Variants in NFAT5 observed in about 807,000 individuals in gnomAD.
NFAT5 encodes nuclear factor of activated T-cells 5.
Under a neutral mutation model 166.5 loss-of-function variants are expected in NFAT5, and 31 were observed. That is an observed-to-expected ratio of 0.19 (90% CI 0.14 to 0.25). The LOEUF (loss-of-function observed/expected upper bound fraction) is 0.25, where lower values mean the gene tolerates loss of function less well. NFAT5 is among the 10% of genes least tolerant of loss of function. The pLI is 1.00. For missense variants in NFAT5, 1,449 were observed against 1,821.8 expected, an observed-to-expected ratio of 0.80 and a Z score of 3.72; for synonymous variants, 612 against 639.7, an observed-to-expected ratio of 0.96 and a Z score of 0.65.
chr16:69,686,622 G>A (rs1238767095), intron 11 of NFAT5, among the ~76,000 whole-genome samples: 2 of 152,124 alleles, frequency 1.3e-5, no homozygotes, highest in African/African-American at 4.8e-5. Flanking sequence ...CCAGCACTTT[G>A]TGGGGCTGAG....
intron 3 of NFAT5, among the ~76,000 whole-genome samples, chr16:69,638,176 G>A (rs1444450482): frequency 2.0e-5 from 3 of 152,006 alleles, no homozygotes; most frequent in Non-Finnish European, 4.4e-5. Context: ...CCGAGATCAC[G>A]CCATTGCACT....
At chr16:69,695,493 T>C (rs1006716452) in intron 14 of NFAT5, 114 bp downstream of exon 14, 5 of 722,672 alleles carry the variant, frequency 6.9e-6, no homozygotes, top group Non-Finnish European at 1.2e-5. Flanking sequence ...TCTCACAAGA[T>C]GATACTTTTT....
chr16:69,593,062 A>C (rs1482791847), intron 2 of NFAT5, among the ~76,000 whole-genome samples: 1 of 152,210 alleles, frequency 6.6e-6, no homozygotes, highest in Non-Finnish European at 1.5e-5. Flanking sequence ...TTAGTGTCAA[A>C]AATGAATAAA....
chr16:69,695,108 T>C, intron 13 of NFAT5, 28 bp from the exon 14 acceptor site: 5 of 1,541,682 alleles, frequency 3.2e-6, no homozygotes, highest in African/African-American at 1.4e-5. Flanking sequence ...AGTCAGCTTT[T>C]AAGCTTCTGT....
At chr16:69,614,623 T>C (rs895296987) in intron 2 of NFAT5, among the ~76,000 whole-genome samples, 2 of 152,208 alleles carry the variant, frequency 1.3e-5, no homozygotes, top group Admixed American at 6.5e-5. Context: ...CCCAATACTT[T>C]GGTATTTCCA....
intron 2 of NFAT5, among the ~76,000 whole-genome samples, chr16:69,597,594 C>CTTT (rs752838733): frequency 1.4e-5 from 2 of 138,336 alleles, no homozygotes; most frequent in South Asian, 4.7e-4. Flanking sequence ...CTAATGTTTT[C>CTTT]TTTTTTTTTT....
intron 2 of NFAT5, among the ~76,000 whole-genome samples, chr16:69,615,612 A>G (rs1338427202): frequency 3.3e-5 from 5 of 152,178 alleles, no homozygotes; most frequent in Non-Finnish European, 7.3e-5. Context: ...CTATCTGTAC[A>G]TATTGACTGA....
chr16:69,673,419 TA>T (rs1030993547), intron 9 of NFAT5, among the ~76,000 whole-genome samples: 3 of 151,994 alleles, frequency 2.0e-5, no homozygotes, highest in African/African-American at 7.2e-5. Flanking sequence ...AGCAAACCTT[TA>T]GGGGGAAGAA....
At position 69,692,811 on chromosome 16, in the gene NFAT5, G is replaced by A; in HGVS notation, c.2986G>A (p.Gly996Ser). 2 of 1,614,170 alleles carry A rather than the reference G, an allele frequency of 1.2e-6. No homozygotes were observed. The highest frequency in any genetic ancestry group is 1.6e-4 in the Middle Eastern group (1 of 6,062). ...TTTTQQVATPGTTMFQTSSSG... is the reference protein window; with the variant it reads ...TTTTQQVATPSTTMFQTSSSG... ...TACCACACAGCAGGTTGCAACCCCT[G>A]GCACTACCATGTTTCAGACATCAAG... Residue 996 changes from glycine to serine, a missense_variant, in exon 13 of 15, where the codon GGC becomes AGC. Transcript: ENST00000349945.
Position 69,692,205 on chromosome 16 carries a change from C to A in NFAT5, c.2380C>A (p.Gln794Lys), listed in dbSNP as rs757333746. Residue 794 changes from glutamine (Q) to lysine (K), a missense_variant, in exon 13 of 15, where the codon CAG becomes AAG. Coordinates refer to ENST00000349945, the MANE Select transcript of NFAT5 (RefSeq NM_138713.4). ...NSVSQLQNTI[Q>K]QLQAGSFTGS... ...TGTGAGTCAGCTTCAGAATACTATT[C>A]AGCAGCTGCAAGCAGGGAGTTTCAC... 2 of 1,614,072 alleles carry A rather than the reference C, an allele frequency of 1.2e-6. No individual in the cohort carries two copies. The highest frequency in any genetic ancestry group is 1.3e-5 in the African/African-American group (1 of 74,928).
intron 3 of NFAT5, among the ~76,000 whole-genome samples, chr16:69,631,659 C>T (rs2034724154): frequency 6.6e-6 from 1 of 151,604 alleles, no homozygotes; most frequent in African/African-American, 2.4e-5. Flanking sequence ...TGGAGTCTTG[C>T]TCTTTTGCCA....
At chr16:69,662,135 G>A (rs973076866) in intron 7 of NFAT5, among the ~76,000 whole-genome samples, 1 of 152,140 alleles carries the variant, frequency 6.6e-6, no homozygotes, top group Non-Finnish European at 1.5e-5. Context: ...ATACTGCACA[G>A]TAGCTGTGTG....
intron 2 of NFAT5, among the ~76,000 whole-genome samples, chr16:69,613,088 A>G (rs757555861): frequency 1.7e-4 from 26 of 152,110 alleles, no homozygotes; most frequent in Non-Finnish European, 3.5e-4. Flanking sequence ...ACCACTTTTT[A>G]TCAATTTTCC....
chr16:69,588,119 G>T (rs142654905), intron 2 of NFAT5, among the ~76,000 whole-genome samples: 1 of 151,140 alleles, frequency 6.6e-6, no homozygotes, highest in African/African-American at 2.4e-5. Flanking sequence ...TGCCTGGCCC[G>T]TTTTTGTGTT....
chr16:69,595,256 T>C (rs897246845), intron 2 of NFAT5, among the ~76,000 whole-genome samples: 2 of 152,242 alleles, frequency 1.3e-5, no homozygotes, highest in African/African-American at 4.8e-5. Flanking sequence ...CTTACTGTTC[T>C]GTATTCACCC....
intron 6 of NFAT5, among the ~76,000 whole-genome samples, chr16:69,656,506 C>T (rs2035886745): frequency 6.7e-6 from 1 of 150,286 alleles, no homozygotes; most frequent in Non-Finnish European, 1.5e-5. Flanking sequence ...GGCTGGAGTG[C>T]AGTGGTGCTA....
chr16:69,695,592 C>A, intron 14 of NFAT5: 1 of 467,564 alleles, frequency 2.1e-6, no homozygotes. Flanking sequence ...GCCTGTAATC[C>A]CAGCACTTTG....
chr16:69,583,075 T>C (rs75506882), intron 2 of NFAT5, among the ~76,000 whole-genome samples: 24,357 of 151,712 alleles, frequency 0.16, 2,136 homozygotes, highest in East Asian at 0.36. Context: ...TATTCCATTC[T>C]TTTTTAATCA....
intron 3 of NFAT5, among the ~76,000 whole-genome samples, chr16:69,628,578 A>G (rs577368128): frequency 6.6e-6 from 1 of 152,314 alleles, no homozygotes; most frequent in Admixed American, 6.5e-5. Context: ...TTTAAATCAC[A>G]GAATAATTAT....
Sources: gnomAD v4.1 joint callset for allele counts (sites outside exome capture counted in the v4.1 genomes callset) on GRCh38, gnomAD v4.1.1 for gene constraint, MANE v1.5 for transcripts, NCBI Gene and HGNC (gene_info 2026-07-23, HGNC 2026-07-21) for gene names.